EPHB1: variants seen among roughly 807,000 people sequenced by gnomAD.
EPHB1 encodes EPH receptor B1.
A neutral mutation model predicts 94.4 loss-of-function variants in EPHB1; 30 were observed. The observed-to-expected ratio is 0.32, with a 90% CI of 0.24 to 0.43. EPHB1 has a LOEUF of 0.43. Ranked by LOEUF, EPHB1 falls within the 20% of genes least tolerant of loss-of-function variation. The probability of loss-of-function intolerance (pLI) is 1.00; values close to 1 mark genes in which losing one functional copy is unlikely to be tolerated. For missense variants in EPHB1, 1,055 were observed against 1,308.3 expected, an observed-to-expected ratio of 0.81 and a Z score of 2.99; for synonymous variants, 522 against 489.1, an observed-to-expected ratio of 1.07 and a Z score of -0.89.
intron 10 of EPHB1, among the ~76,000 whole-genome samples, chr3:135,185,344 A>T (rs1942301013): frequency 6.6e-6 from 1 of 152,250 alleles, no homozygotes; most frequent in Admixed American, 6.5e-5. Context: ...GCAGATGGAC[A>T]GCATGAGGGT....
rs75314707 is a variant in EPHB1 at position 134,981,004 on chromosome 3, T to C, written c.805+28952T>C. On this transcript the variant is annotated intron_variant, in intron 3 of 15. Coordinates refer to ENST00000398015, the MANE Select transcript of EPHB1 (RefSeq NM_004441.5). ...CAACAGGTTCCTCTCCTTCAAGCCT[T>C]AATCAAGGGATATAAGCACAGGGCA... is the stretch of plus-strand genomic sequence containing the variant. Among the ~76,000 whole-genome samples, 7 of 152,296 alleles carry C rather than the reference T, an allele frequency of 4.6e-5. No individual in the cohort carries two copies. The East Asian group carries it at 1.4e-3, about 29-fold the overall frequency.
chr3:135,169,428 A>G (rs1308226733), intron 9 of EPHB1, among the ~76,000 whole-genome samples: 1 of 152,048 alleles, frequency 6.6e-6, no homozygotes, highest in Non-Finnish European at 1.5e-5. Context: ...ATTCATAACT[A>G]TTCTCTTTTG....
intron 1 of EPHB1, among the ~76,000 whole-genome samples, chr3:134,907,615 G>T (rs36216): frequency 6.6e-6 from 1 of 151,786 alleles, no homozygotes; most frequent in African/African-American, 2.4e-5. Flanking sequence ...TAGATTAACT[G>T]CCTCCCGTGA....
intron 11 of EPHB1, 98 bp from the exon 12 acceptor site, chr3:135,201,376 C>G (rs1942750551): frequency 8.1e-7 from 1 of 1,231,780 alleles, no homozygotes; most frequent in African/African-American, 1.5e-5. Flanking sequence ...TGGCCTGGAG[C>G]AGACAGAAGC....
intron 12 of EPHB1, among the ~76,000 whole-genome samples, chr3:135,201,893 C>T (rs1218063534): frequency 1.3e-5 from 2 of 152,104 alleles, no homozygotes; most frequent in African/African-American, 4.8e-5. Context: ...AGCATTTGGG[C>T]TTGGACTGTG....
chr3:134,818,180 T>A (rs568357084), intron 1 of EPHB1, among the ~76,000 whole-genome samples: 107 of 152,284 alleles, frequency 7.0e-4, no homozygotes, highest in African/African-American at 2.6e-3. Flanking sequence ...GACTGGGGAA[T>A]TCACTTTCTC....
chr3:134,885,141 A>G (rs543141393), intron 1 of EPHB1, among the ~76,000 whole-genome samples: 1 of 152,256 alleles, frequency 6.6e-6, no homozygotes, highest in Non-Finnish European at 1.5e-5. Context: ...CAAATAGAAC[A>G]TCTAGAGATG....
At chr3:135,161,891 C>A in intron 6 of EPHB1, 127 bp from the exon 7 acceptor site, 1 of 1,014,536 alleles carries the variant, frequency 9.9e-7, no homozygotes, top group Non-Finnish European at 1.4e-6. Flanking sequence ...TGGCCTGGAG[C>A]TGATGACAAC....
chr3:135,102,906 C>T (rs1244676074), intron 3 of EPHB1, among the ~76,000 whole-genome samples: 2 of 151,964 alleles, frequency 1.3e-5, no homozygotes, highest in African/African-American at 2.4e-5. Context: ...TGTTCTCACT[C>T]ATAAGTAGGA....
chr3:134,920,730 C>G (rs2038667193), intron 1 of EPHB1, among the ~76,000 whole-genome samples: 1 of 152,138 alleles, frequency 6.6e-6, no homozygotes, highest in African/African-American at 2.4e-5. Flanking sequence ...GGTGCCAATC[C>G]AGACAGAAAC....
In EPHB1 at chr3:135,260,062, G is replaced by T. The variant is rs548747996; in HGVS notation, c.*942G>T. 590 of 232,546 alleles carry T rather than the reference G, an allele frequency of 2.5e-3. No individual in the cohort carries two copies. The highest frequency in any genetic ancestry group is 4.8e-3 in the Admixed American group (86 of 17,770). 14.4% of individuals were successfully genotyped at this position (232,546 alleles called of 1,614,324 possible). A position where few individuals can be genotyped will look rare whatever the true frequency, so the allele number is the denominator to read the frequency against. On this transcript the variant is annotated 3_prime_UTR_variant, in exon 16 of 16. Coordinates refer to ENST00000398015, the MANE Select transcript of EPHB1 (RefSeq NM_004441.5). ...AAAATGAAAGGAAAAAAAAAAGTTT[G>T]CAAATTCAGACAGGAAACAGGTGAG...
chr3:134,962,425 G>A (rs1052323304), intron 3 of EPHB1, among the ~76,000 whole-genome samples: 9 of 152,018 alleles, frequency 5.9e-5, no homozygotes, highest in African/African-American at 1.7e-4. Flanking sequence ...ATTTTGACAC[G>A]TGCCTCCCAC....
chr3:134,897,628 C>T (rs1235474396), intron 1 of EPHB1, among the ~76,000 whole-genome samples: 1 of 152,206 alleles, frequency 6.6e-6, no homozygotes, highest in African/African-American at 2.4e-5. Flanking sequence ...AAGTGGCCAG[C>T]CCCCGTCATT....
chr3:135,132,877 C>G lies in EPHB1; in HGVS notation c.1125C>G (p.Asp375Glu), dbSNP rs765401856. 1 of 1,614,054 alleles carries G rather than the reference C, an allele frequency of 6.2e-7. No homozygotes were observed. Reference sequence around the variant, plus strand: ...GCCGGAGCTGCTCCCGCTGTGACGACAATGTGGAGTTTGTGCCCAGGCAGC... The same window carrying G: ...GCCGGAGCTGCTCCCGCTGTGACGAGAATGTGGAGTTTGTGCCCAGGCAGC... ...ADRRSCSRCD[D>E]NVEFVPRQLG... The change falls in exon 5 of 16, where the codon GAC becomes GAG. Residue 375 changes from aspartate (D) to glutamate (E), a missense_variant. Physicochemically the swap from Asp to Glu is conservative, Grantham distance 45 (BLOSUM62 2). Coordinates refer to ENST00000398015, the MANE Select transcript of EPHB1 (RefSeq NM_004441.5).
intron 5 of EPHB1, among the ~76,000 whole-genome samples, chr3:135,151,725 A>C (rs1057277037): frequency 6.6e-6 from 1 of 152,218 alleles, no homozygotes; most frequent in Admixed American, 6.5e-5. Context: ...ACTAAGTTGC[A>C]GGCAAGAAAA....
intron 1 of EPHB1, among the ~76,000 whole-genome samples, chr3:134,850,045 G>A (rs2036948432): frequency 6.6e-6 from 1 of 152,174 alleles, no homozygotes; most frequent in African/African-American, 2.4e-5. Flanking sequence ...TCTTCCAGGA[G>A]TTTCTCAACT....
chr3:135,201,198 A>G (rs1942743209), intron 11 of EPHB1, among the ~76,000 whole-genome samples: 1 of 152,024 alleles, frequency 6.6e-6, no homozygotes, highest in South Asian at 2.1e-4. Flanking sequence ...GTGATGGATG[A>G]TGGCGACTTG....
chr3:134,804,697 C>T (rs781005472), intron 1 of EPHB1, among the ~76,000 whole-genome samples: 1 of 152,164 alleles, frequency 6.6e-6, no homozygotes, highest in African/African-American at 2.4e-5. Context: ...TCCTGCTTAC[C>T]CTTGGCCTGG....
intron 4 of EPHB1, among the ~76,000 whole-genome samples, chr3:135,107,398 G>GCA (rs1463429490): frequency 6.6e-6 from 1 of 151,252 alleles, no homozygotes; most frequent in Non-Finnish European, 1.5e-5. Context: ...TACTGTCCCT[G>GCA]CACAGTACTT....
Sources: allele counts gnomAD v4.1 joint callset (sites outside exome capture counted in the v4.1 genomes callset), GRCh38; gene constraint gnomAD v4.1.1; transcripts MANE v1.5; gene names NCBI Gene and HGNC (gene_info 2026-07-23, HGNC 2026-07-21).